The following NFIX variants were observed in gnomAD, a reference collection of about 807,000 sequenced individuals.
NFIX encodes nuclear factor 1 X-type.
Under a neutral mutation model 53.3 loss-of-function variants are expected in NFIX, and 2 were observed. The observed-to-expected ratio is 0.04, with a 90% CI of 0.02 to 0.12. The LOEUF is 0.12. NFIX is among the 10% of genes least tolerant of loss of function. The pLI is 1.00. For missense variants in NFIX, 310 were observed against 674.5 expected (o/e 0.46, Z 5.99); for synonymous variants, 244 against 289.0 (o/e 0.84, Z 1.58).
In NFIX at chr19:13,043,343, C is replaced by G. The variant is rs750012300; in HGVS notation, c.559+17791C>G. On this transcript the variant is annotated intron_variant, in intron 2 of 10. Coordinates refer to ENST00000592199, the MANE Select transcript of NFIX (RefSeq NM_001365902.3). This position sits in a 1 kb window ranked among gnomAD's most constrained non-coding sequence, Gnocchi z 4.0. ...TGGCATGGCAGTTTCCTCTCAGCTT[C>G]TGGCCTTGGGACTGCAGAAGTGGCT... Among the ~76,000 whole-genome samples, 1 of 152,222 alleles carries G rather than the reference C, an allele frequency of 6.6e-6. No homozygotes were observed. The highest frequency in any genetic ancestry group is 1.5e-5 in the Non-Finnish European group (1 of 68,040).
chr19:13,070,842 C>T (rs1056419038), intron 2 of NFIX: 1 of 152,362 alleles, frequency 6.6e-6, no homozygotes, highest in African/African-American at 2.4e-5. Flanking sequence ...GTCGCGCTCT[C>T]CTGGAGCCCT....
intron 1 of NFIX, among the ~76,000 whole-genome samples, chr19:12,997,816 A>C (rs1409069890): frequency 2.0e-5 from 3 of 152,182 alleles, no homozygotes; most frequent in Non-Finnish European, 2.9e-5. Context: ...CATGGCTAGG[A>C]AGGGGCTGGG....
intron 1 of NFIX, among the ~76,000 whole-genome samples, chr19:13,019,613 C>T (rs1170840724): frequency 6.6e-6 from 1 of 151,706 alleles, no homozygotes; most frequent in African/African-American, 2.4e-5. Flanking sequence ...TCTCCGTGGC[C>T]CTTTCAGTCT....
In NFIX at chr19:13,098,451, C is replaced by CTA. The variant is rs1197644879; in HGVS notation, c.*3809_*3810dup. 6.6e-6 allele frequency: 1 copy of CTA among 152,198 alleles called. No individual in the cohort carries two copies. 9.4% of individuals were successfully genotyped at this position (152,198 alleles called of 1,614,324 possible). On this transcript the variant is annotated 3_prime_UTR_variant, in exon 11 of 11. Coordinates refer to ENST00000592199, the MANE Select transcript of NFIX (RefSeq NM_001365902.3). ...AGAAACGCAGTATATACGAGTATCT[C>CTA]TATATATAGTACTAATGGATTTGGT...
chr19:13,071,519 G>T (rs888053983), intron 2 of NFIX: 2 of 152,206 alleles, frequency 1.3e-5, no homozygotes, highest in African/African-American at 4.8e-5. Context: ...TGAGCGAAAG[G>T]GGAGGTATGG....
chr19:13,043,785 C>T lies in NFIX; in HGVS notation c.559+18233C>T, dbSNP rs59722354. 0.052 allele frequency among the ~76,000 whole-genome samples: 7,870 copies of T among 152,226 alleles called. 666 individuals are homozygous for T. The highest frequency in any genetic ancestry group is 0.17 in the African/African-American group (7,107 of 41,498). On this transcript the variant is annotated intron_variant, in intron 2 of 10. Coordinates refer to ENST00000592199, the MANE Select transcript of NFIX (RefSeq NM_001365902.3). The surrounding 1 kb of genome is among the most constrained non-coding windows in gnomAD (Gnocchi z 4.0). ...TCAGACTTGGTCCCCACTGCCATGGCACTCTTATCTGTGTGCCTGAATATG... is the reference window on the plus strand; with the variant it reads ...TCAGACTTGGTCCCCACTGCCATGGTACTCTTATCTGTGTGCCTGAATATG...
chr19:13,005,951 C>G lies in NFIX; in HGVS notation c.27+10087C>G. On this transcript the variant is annotated intron_variant, in intron 1 of 10. Coordinates refer to ENST00000592199, the MANE Select transcript of NFIX (RefSeq NM_001365902.3). This position sits in a 1 kb window ranked among gnomAD's most constrained non-coding sequence, Gnocchi z 4.7. ...CCTTGCTGGGCACCCAGCCGGAGCTCAAATGCTGGGGGTGCAGCCGGGAGC... is the reference window on the plus strand; with the variant it reads ...CCTTGCTGGGCACCCAGCCGGAGCTGAAATGCTGGGGGTGCAGCCGGGAGC... 6.6e-6 allele frequency among the ~76,000 whole-genome samples: 1 copy of G among 152,226 alleles called. No individual in the cohort carries two copies. Among genetic ancestry groups the G allele is most frequent in the East Asian group, 1.9e-4 (1 of 5,194 alleles).
intron 10 of NFIX, among the ~76,000 whole-genome samples, chr19:13,092,340 G>A (rs1035464543): frequency 6.6e-6 from 1 of 152,208 alleles, no homozygotes; most frequent in African/African-American, 2.4e-5. Flanking sequence ...TCTGTGCTTG[G>A]CAGCAGATCC....
rs2018098157 is a variant in NFIX at position 13,090,906 on chromosome 19, C to T, written c.1494+516C>T. ...GCCGCCACCCTAGAGGCCCCTCACC[C>T]AAGTCTCCAGGAGTCCTGTTAGGGA... On this transcript the variant is annotated intron_variant, in intron 10 of 10. Coordinates refer to ENST00000592199, the MANE Select transcript of NFIX (RefSeq NM_001365902.3). The surrounding 1 kb of genome is among the most constrained non-coding windows in gnomAD (Gnocchi z 6.6). 6.6e-6 allele frequency among the ~76,000 whole-genome samples: 1 copy of T among 152,202 alleles called. No individual in the cohort carries two copies. The highest frequency in any genetic ancestry group is 2.4e-5 in the African/African-American group (1 of 41,450).
At position 13,022,298 on chromosome 19, in the gene NFIX, T is replaced by TGC. The variant is rs1465696710; in HGVS notation, c.28-2721_28-2720dup. 6.6e-6 allele frequency among the ~76,000 whole-genome samples: 1 copy of TGC among 152,096 alleles called. No homozygotes were observed. The highest frequency in any genetic ancestry group is 1.5e-5 in the Non-Finnish European group (1 of 68,028). On this transcript the variant is annotated intron_variant, in intron 1 of 10. Transcript: ENST00000592199. The surrounding 1 kb of genome is among the most constrained non-coding windows in gnomAD (Gnocchi z 4.5). ...ATCCCTCGTCACCGCTAATGGAGTG[T>TGC]GCGTGGCTGGGTGTGGGCCGAAGGA... is the stretch of plus-strand genomic sequence containing the variant.
chr19:13,092,120 G>A (rs552176573), intron 10 of NFIX, among the ~76,000 whole-genome samples: 4 of 152,302 alleles, frequency 2.6e-5, no homozygotes, highest in South Asian at 2.1e-4. Flanking sequence ...TGCAACGGGC[G>A]GGCGCAGGGG....
chr19:13,003,084 G>A (rs989914884), intron 1 of NFIX, among the ~76,000 whole-genome samples: 7 of 151,844 alleles, frequency 4.6e-5, no homozygotes, highest in Admixed American at 2.0e-4. Flanking sequence ...GGCTTCGGTC[G>A]AATCATCTTG....
At chr19:13,058,012 G>A (rs1015095927) in intron 2 of NFIX, among the ~76,000 whole-genome samples, 1 of 152,282 alleles carries the variant, frequency 6.6e-6, no homozygotes, top group African/African-American at 2.4e-5. Flanking sequence ...AGCTCCTTGG[G>A]GCCTGAGGGG....
In NFIX at chr19:13,027,312, C is replaced by T. The variant is rs2013445126; in HGVS notation, c.559+1760C>T. Among the ~76,000 whole-genome samples the T allele has an allele frequency of 6.6e-6, 1 of 152,020 alleles. No homozygotes were observed. Among genetic ancestry groups the T allele is most frequent in the Non-Finnish European group, 1.5e-5 (1 of 68,002 alleles). On this transcript the variant is annotated intron_variant, in intron 2 of 10. Coordinates refer to ENST00000592199, the MANE Select transcript of NFIX (RefSeq NM_001365902.3). The surrounding 1 kb of genome is among the most constrained non-coding windows in gnomAD (Gnocchi z 4.3). ...CTTCAGCTTGAATTTTTTCTTTTGT[C>T]TTTTTTCTTTTTGGAAAACAGACTG...
At chr19:13,063,552 C>T (rs553651932) in intron 2 of NFIX, among the ~76,000 whole-genome samples, 5 of 152,156 alleles carry the variant, frequency 3.3e-5, no homozygotes, top group East Asian at 1.9e-4. Flanking sequence ...CCTTTCCCTG[C>T]CTCTCTCAGA....
In NFIX at chr19:13,081,787, G is replaced by A. The variant is rs2017487052; in HGVS notation, c.1186G>A (p.Gly396Arg). The change falls in exon 8 of 11, where the codon GGG (glycine) becomes AGG (arginine). Residue 396 changes from glycine to arginine, a missense_variant. Transcript: ENST00000592199. This position sits in a 1 kb window ranked among gnomAD's most constrained non-coding sequence, Gnocchi z 4.7. ...GACCATCCGCTACCACCACCACCAC[G>A]GGCAGGACTCACTGAAGGAGTTTGT... ...HPTIRYHHHH[G>R]QDSLKEFVQF... The A allele has an allele frequency of 1.2e-6, 2 of 1,613,878 alleles. No homozygotes were observed. The highest frequency in any genetic ancestry group is 8.5e-7 in the Non-Finnish European group (1 of 1,179,908).
chr19:13,046,614 CAA>C (rs1464946607), intron 2 of NFIX, among the ~76,000 whole-genome samples: 1 of 152,094 alleles, frequency 6.6e-6, no homozygotes, highest in African/African-American at 2.4e-5. Context: ...TTGCTCCTGA[CAA>C]GAGGGGAGGG....
chr19:13,020,820 T>C (rs998660578), intron 1 of NFIX, among the ~76,000 whole-genome samples: 9 of 152,136 alleles, frequency 5.9e-5, no homozygotes, highest in Non-Finnish European at 1.5e-5. Context: ...CCTGTTTCCC[T>C]AACTTCTACA....
In NFIX at chr19:13,012,445, C is replaced by A. The variant is rs2012408169; in HGVS notation, c.28-12576C>A. On this transcript the variant is annotated intron_variant, in intron 1 of 10. Coordinates refer to ENST00000592199, the MANE Select transcript of NFIX (RefSeq NM_001365902.3). This position sits in a 1 kb window ranked among gnomAD's most constrained non-coding sequence, Gnocchi z 5.0. ...GGCGCGGCCTGCCCCTCACAGTGAC[C>A]CCCCCGACCCACCCCCCAAAAAGTG... 2.0e-5 allele frequency among the ~76,000 whole-genome samples: 3 copies of A among 152,106 alleles called. No homozygotes were observed. The highest frequency in any genetic ancestry group is 6.5e-5 in the Admixed American group (1 of 15,278).
Sources: gnomAD v4.1 joint callset for allele counts (sites outside exome capture counted in the v4.1 genomes callset) on GRCh38, gnomAD v4.1.1 for gene constraint, Gnocchi (gnomAD v3.1) non-coding constraint, MANE v1.5 for transcripts, NCBI Gene and HGNC (gene_info 2026-07-23, HGNC 2026-07-21) for gene names.